Variants in TCP11L1 observed in about 807,000 individuals in gnomAD.
TCP11L1 encodes the protein T-complex protein 11-like protein 1.
TCP11L1 carries 28 observed loss-of-function variants against 48.9 expected under a neutral mutation model. The ratio of observed to expected loss-of-function variants is 0.57; its 90% CI spans 0.42 to 0.78. The LOEUF (loss-of-function observed/expected upper bound fraction) is 0.78. Ranked by LOEUF, TCP11L1 falls within the 30% of genes least tolerant of loss-of-function variation. TCP11L1 has a pLI of 0.00. For missense variants in TCP11L1, 505 were observed against 613.4 expected, an observed-to-expected ratio of 0.82 and a Z score of 1.87; for synonymous variants, 204 against 231.9, an observed-to-expected ratio of 0.88 and a Z score of 1.09.
intron 1 of TCP11L1, among the ~76,000 whole-genome samples, chr11:33,042,070 G>A (rs753991325): frequency 6.6e-6 from 1 of 152,188 alleles, no homozygotes; most frequent in Non-Finnish European, 1.5e-5. Context: ...AACACCCTAG[G>A]AAAAGGGAGA....
intron 9 of TCP11L1, among the ~76,000 whole-genome samples, chr11:33,069,969 C>T (rs1854730291): frequency 6.6e-6 from 1 of 152,070 alleles, no homozygotes; most frequent in Non-Finnish European, 1.5e-5. Flanking sequence ...GACCTGTGGC[C>T]AGCAAGTTGC....
chr11:33,057,594 A>G (rs1854346933), intron 4 of TCP11L1, among the ~76,000 whole-genome samples: 1 of 152,230 alleles, frequency 6.6e-6, no homozygotes, highest in African/African-American at 2.4e-5. Context: ...TAGCAGTAGC[A>G]TCAAAGAAGA....
chr11:33,041,353 C>CCCTA (rs1323934408), intron 1 of TCP11L1: 1 of 152,170 alleles, frequency 6.6e-6, no homozygotes, highest in African/African-American at 2.4e-5. Flanking sequence ...CATTTCCTGA[C>CCCTA]CCTAATAGGA....
At chr11:33,067,580 C>T (rs1235892436) in intron 8 of TCP11L1, among the ~76,000 whole-genome samples, 1 of 152,338 alleles carries the variant, frequency 6.6e-6, no homozygotes, top group Admixed American at 6.5e-5. Context: ...TGGAGAACTA[C>T]TCTGTCAAAG....
At chr11:33,071,079 C>G (rs1004001206) in intron 9 of TCP11L1, among the ~76,000 whole-genome samples, 1 of 151,414 alleles carries the variant, frequency 6.6e-6, no homozygotes, top group Non-Finnish European at 1.5e-5. Flanking sequence ...CTTTGGGAGG[C>G]GGGGGCAGAC....
rs1481558883 is a variant in TCP11L1, at chr11:33,068,868, G to A, written c.1327+9G>A. On this transcript the variant is annotated intron_variant, in intron 9 of 9. Transcript: ENST00000334274. ...CATTCGCAGGATCATGGGTACGTTT[G>A]GGGAAGGCAGGCAGCAGGGATGTGC... The A allele has an allele frequency of 1.9e-6, 3 of 1,607,230 alleles. No individual in the cohort carries two copies. The highest frequency in any genetic ancestry group is 1.7e-6 in the Non-Finnish European group (2 of 1,174,614).
chr11:33,057,288 T>G, intron 4 of TCP11L1, 53 bp downstream of exon 4: 1 of 1,609,994 alleles, frequency 6.2e-7, no homozygotes, highest in Admixed American at 1.7e-5. Flanking sequence ...GAGTGTTTAT[T>G]CAACTTCTTG....
In TCP11L1 at chr11:33,043,869, T is replaced by C; in HGVS notation, c.96T>C (p.Ala32=). The change falls in exon 2 of 10, where the codon GCT becomes GCC. Residue 32 remains alanine, a synonymous_variant. Transcript: ENST00000334274. ...GCCTCGAAGATGCTGTGGAAGGTGC[T>C]GATGAAGCCTTACAAAAAGCAATAA... The part of the protein sequence containing the change: ...EEGLEDAVEG[A]DEALQKAIKS... The C allele has an allele frequency of 1.2e-6, 2 of 1,613,960 alleles. No individual in the cohort carries two copies. Among genetic ancestry groups the C allele is most frequent in the Non-Finnish European group, 1.7e-6 (2 of 1,179,940 alleles).
intron 1 of TCP11L1, among the ~76,000 whole-genome samples, chr11:33,042,303 A>T (rs1853860459): frequency 1.3e-5 from 2 of 152,024 alleles, no homozygotes; most frequent in East Asian, 3.9e-4. Flanking sequence ...CCAATTTTTT[A>T]ATATTTTTAG....
In TCP11L1 at chr11:33,057,196, A is replaced by G. The variant is rs773852318; in HGVS notation, c.378A>G (p.Ala126=). Reference sequence around the variant, plus strand: ...TGCAGCTAAGTGAAGATCCCCCAGCATATGACCATGCTATCAAACTTGTAG... The same window carrying G: ...TGCAGCTAAGTGAAGATCCCCCAGCGTATGACCATGCTATCAAACTTGTAG... The part of the protein sequence containing the change: ...LSVQLSEDPP[A]YDHAIKLVGE... The change falls in exon 4 of 10, where the codon GCA becomes GCG. Residue 126 remains alanine (A), a synonymous_variant. Coordinates refer to ENST00000334274, the MANE Select transcript of TCP11L1 (RefSeq NM_018393.4). 2 of 1,614,148 alleles carry G rather than the reference A, an allele frequency of 1.2e-6. No homozygotes were observed. The highest frequency in any genetic ancestry group is 1.7e-6 in the Non-Finnish European group (2 of 1,180,020).
At position 33,043,810 on chromosome 11, in the gene TCP11L1, G is replaced by A; in HGVS notation, c.37G>A (p.Ala13Thr). ...ENLDKSNVNE[A>T]GKSKSNDSEE... ...CCTTGACAAGTCCAATGTAAATGAA[G>A]CAGGAAAATCAAAATCCAATGATTC... The change falls in exon 2 of 10, where the codon GCA becomes ACA. Residue 13 changes from alanine to threonine, a missense_variant. Physicochemically the swap from Ala to Thr is moderately conservative, Grantham distance 58. Around this residue, in one of 3 missense-constraint regions of TCP11L1, gnomAD observed 168 missense variants for 183.5 expected, o/e 0.92. Transcript: ENST00000334274. 6.2e-7 allele frequency: 1 copy of A among 1,613,596 alleles called. No homozygotes were observed. Among genetic ancestry groups the A allele is most frequent in the Non-Finnish European group, 8.5e-7 (1 of 1,179,866 alleles).
chr11:33,054,162 G>T (rs1357751956), intron 2 of TCP11L1, among the ~76,000 whole-genome samples: 1 of 151,930 alleles, frequency 6.6e-6, no homozygotes. Flanking sequence ...CAGTGTTAGT[G>T]GTAGTGCAAA....
chr11:33,060,173 G>T (rs568999637), intron 6 of TCP11L1, among the ~76,000 whole-genome samples: 2 of 152,056 alleles, frequency 1.3e-5, no homozygotes, highest in Admixed American at 1.3e-4. Context: ...GCAGTGGCAC[G>T]ATCTCTGCTC....
intron 2 of TCP11L1, among the ~76,000 whole-genome samples, chr11:33,053,321 T>A (rs6484633): frequency 0.41 from 62,346 of 151,814 alleles, 13,026 homozygotes; most frequent in African/African-American, 0.48. Flanking sequence ...ATTTTTGTAT[T>A]TTTAGTAGAG....
At chr11:33,067,928 ATTTT>A (rs1416819090) in intron 8 of TCP11L1, among the ~76,000 whole-genome samples, 2 of 151,090 alleles carry the variant, frequency 1.3e-5, no homozygotes, top group African/African-American at 4.9e-5. Flanking sequence ...ATTTTTATAT[ATTTT>A]TTTATTTTTT....
In TCP11L1 at chr11:33,068,698, T is replaced by C; in HGVS notation, c.1166T>C (p.Leu389Pro). The change falls in exon 9 of 10, where the codon CTG becomes CCG. Residue 389 changes from leucine to proline, a missense_variant. Around this residue, in one of 3 missense-constraint regions of TCP11L1, gnomAD observed 335 missense variants for 413.3 expected, o/e 0.81. Coordinates refer to ENST00000334274, the MANE Select transcript of TCP11L1 (RefSeq NM_018393.4). ...LTDMHLPSFH[L>P]KDVLTTIGEK... Reference sequence around the variant, plus strand: ...CTCCTCTGCCCCAGCTCCTTCCATCTGAAGGACGTCCTCACTACCATCGGG... The same window carrying C: ...CTCCTCTGCCCCAGCTCCTTCCATCCGAAGGACGTCCTCACTACCATCGGG... 4.3e-6 allele frequency: 7 copies of C among 1,614,032 alleles called. No individual in the cohort carries two copies. The highest frequency in any genetic ancestry group is 5.9e-6 in the Non-Finnish European group (7 of 1,179,930).
rs888198230 is a variant in TCP11L1 at position 33,039,602 on chromosome 11, C to G, written c.-215C>G. 7 of 152,332 alleles carry G rather than the reference C, an allele frequency of 4.6e-5. No homozygotes were observed. Among genetic ancestry groups the G allele is most frequent in the African/African-American group, 2.4e-5 (1 of 41,478 alleles). The allele number at this position is 152,332 out of a possible 1,614,324, so 9.4% of individuals were successfully genotyped here. A position where few individuals can be genotyped will look rare whatever the true frequency, so the allele number is the denominator to read the frequency against. On this transcript the variant is annotated 5_prime_UTR_variant, in exon 1 of 10. Transcript: ENST00000334274. ...CCTCCTTCCTGATGCTGAGAAGCGG[C>G]CGCTCTGACCGCTGCCCACCCGAGT...
At position 33,061,542 on chromosome 11, in the gene TCP11L1, T is replaced by G. The variant is rs1308966787; in HGVS notation, c.788T>G (p.Phe263Cys). Residue 263 changes from phenylalanine to cysteine, a missense_variant, in exon 7 of 10, where the codon TTT (phenylalanine) becomes TGT (cysteine). Transcript: ENST00000334274. ...TTGTTTTTCACAGATTCCCTGGACTTTGTCACCCAGTGGCTGGAAGAAGCC... is the reference window on the plus strand; with the variant it reads ...TTGTTTTTCACAGATTCCCTGGACTGTGTCACCCAGTGGCTGGAAGAAGCC... Reference protein sequence around the residue: ...ILERQPNSLDFVTQWLEEASE... With the variant: ...ILERQPNSLDCVTQWLEEASE... The G allele has an allele frequency of 6.2e-7, 1 of 1,604,418 alleles. No homozygotes were observed. Among genetic ancestry groups the G allele is most frequent in the East Asian group, 2.2e-5 (1 of 44,664 alleles).
chr11:33,062,264 A>G (rs1195945407), intron 7 of TCP11L1, among the ~76,000 whole-genome samples: 1 of 152,058 alleles, frequency 6.6e-6, no homozygotes, highest in African/African-American at 2.4e-5. Flanking sequence ...ATCACCTCCA[A>G]TAGAAACGCT....
Sources: allele counts gnomAD v4.1 joint callset (sites outside exome capture counted in the v4.1 genomes callset), GRCh38; gene constraint gnomAD v4.1.1; regional missense constraint gnomAD v4.1.1; transcripts MANE v1.5; gene names NCBI Gene and HGNC (gene_info 2026-07-23, HGNC 2026-07-21).